The following BOLL variants were observed in gnomAD, a reference collection of about 807,000 sequenced individuals.
BOLL encodes boule RNA binding protein, also known as protein boule-like.
BOLL carries 23 observed loss-of-function variants against 44.4 expected under a neutral mutation model. The observed-to-expected ratio is 0.52, with a 90% CI of 0.37 to 0.73. The LOEUF (loss-of-function observed/expected upper bound fraction) is 0.73, where lower values mean the gene tolerates loss of function less well. Ranked by LOEUF, BOLL falls within the 30% of genes least tolerant of loss-of-function variation. The probability of loss-of-function intolerance (pLI) is 0.00; values close to 1 mark genes in which losing one functional copy is unlikely to be tolerated. For synonymous variants in BOLL, 97 were observed against 110.8 expected (o/e 0.88, Z 0.78); for missense variants, 287 against 338.3 (o/e 0.85, Z 1.19).
At chr2:197,739,507 A>T (rs1200821781) in intron 10 of BOLL, among the ~76,000 whole-genome samples, 1 of 152,008 alleles carries the variant, frequency 6.6e-6, no homozygotes, top group Non-Finnish European at 1.5e-5. Flanking sequence ...AGTTTTTAAA[A>T]TTTTTATTTT....
intron 1 of BOLL, 173 bp downstream of exon 1, chr2:197,784,883 G>A (rs966325886): frequency 1.0e-6 from 1 of 987,198 alleles, no homozygotes; most frequent in African/African-American, 1.7e-5. Flanking sequence ...ACCTAGATGG[G>A]GACTGTTGCC....
chr2:197,731,109 A>T (rs1302035871), intron 10 of BOLL, among the ~76,000 whole-genome samples: 1 of 152,158 alleles, frequency 6.6e-6, no homozygotes, highest in Non-Finnish European at 1.5e-5. Context: ...AAATAAAAGG[A>T]TGGAGGAAGA....
chr2:197,767,786 G>A (rs1349663770), intron 6 of BOLL, among the ~76,000 whole-genome samples: 2 of 151,922 alleles, frequency 1.3e-5, no homozygotes, highest in African/African-American at 4.8e-5. Flanking sequence ...GAGAAAGTCT[G>A]GTTAAGAGTA....
intron 9 of BOLL, among the ~76,000 whole-genome samples, chr2:197,749,414 C>G (rs1481048136): frequency 6.6e-6 from 1 of 151,998 alleles, no homozygotes. Flanking sequence ...AAGTAGGCTT[C>G]AGAGGTGGGT....
chr2:197,734,258 A>G (rs952975161), intron 10 of BOLL, among the ~76,000 whole-genome samples: 5 of 151,900 alleles, frequency 3.3e-5, no homozygotes, highest in African/African-American at 1.2e-4. Flanking sequence ...CAAAACCACA[A>G]TGAGATACCA....
chr2:197,774,191 A>G (rs1218614369), intron 5 of BOLL: 1 of 205,394 alleles, frequency 4.9e-6, no homozygotes, highest in Admixed American at 6.3e-5. Context: ...AATCAGTTTT[A>G]TTCAATTGTT....
Position 197,752,768 on chromosome 2 carries a change from A to G in BOLL, c.729+3660T>C, listed in dbSNP as rs1688321782. On this transcript the variant is annotated intron_variant, in intron 9 of 10. Coordinates refer to ENST00000392296, the MANE Select transcript of BOLL (RefSeq NM_033030.6). ...GATTCAATGCTATTCCCATCAAGCT[A>G]CCATTGACTTTCTTCACAGAATTAG... Among the ~76,000 whole-genome samples, 3 of 152,344 alleles carry G rather than the reference A, an allele frequency of 2.0e-5. No individual in the cohort carries two copies. The South Asian group carries it at 6.2e-4, about 32-fold the overall frequency.
At chr2:197,752,688 T>C (rs1688317497) in intron 9 of BOLL, among the ~76,000 whole-genome samples, 1 of 152,342 alleles carries the variant, frequency 6.6e-6, no homozygotes, top group Non-Finnish European at 1.5e-5. Context: ...TCCATGCTTA[T>C]GGATAGGAAG....
chr2:197,760,543 C>A (rs1688709661), intron 7 of BOLL, among the ~76,000 whole-genome samples: 1 of 152,216 alleles, frequency 6.6e-6, no homozygotes. Flanking sequence ...AGCCCTGTGG[C>A]CCCAAGCCCA....
intron 7 of BOLL, among the ~76,000 whole-genome samples, chr2:197,764,200 G>C (rs1327391330): frequency 6.6e-6 from 1 of 152,094 alleles, no homozygotes; most frequent in African/African-American, 2.4e-5. Context: ...TTTATTTGGA[G>C]AAAAGGAAAT....
At chr2:197,741,994 G>A (rs948323049) in intron 10 of BOLL, among the ~76,000 whole-genome samples, 1 of 152,156 alleles carries the variant, frequency 6.6e-6, no homozygotes, top group African/African-American at 2.4e-5. Context: ...CCATCAAAAA[G>A]TGGGTGAAGG....
chr2:197,771,237 T>A (rs1365288975), intron 6 of BOLL, among the ~76,000 whole-genome samples: 1 of 151,402 alleles, frequency 6.6e-6, no homozygotes, highest in Non-Finnish European at 1.5e-5. Context: ...CTGAGCAAGC[T>A]ATTGCAAGGA....
chr2:197,733,803 G>A (rs1192653127), intron 10 of BOLL, among the ~76,000 whole-genome samples: 4 of 151,980 alleles, frequency 2.6e-5, no homozygotes, highest in African/African-American at 4.8e-5. Context: ...CCTTACACAA[G>A]AATTAATTCA....
intron 6 of BOLL, 120 bp from the exon 7 acceptor site, chr2:197,766,723 T>A: frequency 1.5e-6 from 1 of 682,842 alleles, no homozygotes; most frequent in Non-Finnish European, 2.5e-6. Flanking sequence ...GAAATATTAT[T>A]TTTCTACCTC....
chr2:197,779,137 T>C, intron 2 of BOLL, 71 bp from the exon 3 acceptor site: 1 of 1,171,482 alleles, frequency 8.5e-7, no homozygotes, highest in South Asian at 1.4e-5. Flanking sequence ...TCATGCTTGC[T>C]CTGGAGACAG....
chr2:197,760,892 A>G, intron 7 of BOLL, among the ~76,000 whole-genome samples: 1 of 152,214 alleles, frequency 6.6e-6, no homozygotes, highest in East Asian at 1.9e-4. Flanking sequence ...CTAACAGCAG[A>G]TTTCTTAGCA....
intron 10 of BOLL, among the ~76,000 whole-genome samples, chr2:197,735,419 C>G (rs946975190): frequency 2.0e-5 from 3 of 152,024 alleles, no homozygotes; most frequent in Non-Finnish European, 4.4e-5. Flanking sequence ...CTAATTTTAT[C>G]TTTTCTCTAT....
chr2:197,728,600 T>C (rs550443261), intron 10 of BOLL, 22 bp from the exon 11 acceptor site: 7 of 1,530,164 alleles, frequency 4.6e-6, no homozygotes, highest in African/African-American at 4.1e-5. Context: ...AGAGAAAATA[T>C]AGATCAGGAA....
chr2:197,764,970 A>T (rs1287571031), intron 7 of BOLL, among the ~76,000 whole-genome samples: 1 of 152,126 alleles, frequency 6.6e-6, no homozygotes, highest in East Asian at 1.9e-4. Flanking sequence ...ACAAAAAAAA[A>T]AAGTTGATCT....
Sources: allele counts gnomAD v4.1 joint callset (sites outside exome capture counted in the v4.1 genomes callset), GRCh38; gene constraint gnomAD v4.1.1; transcripts MANE v1.5; gene names NCBI Gene and HGNC (gene_info 2026-07-23, HGNC 2026-07-21).